UNC5CL: variants seen among roughly 807,000 people sequenced by gnomAD.
UNC5CL encodes UNC5C-like protein.
UNC5CL carries 42 observed loss-of-function variants against 54.1 expected under a neutral mutation model. The observed-to-expected ratio is 0.78, with a 90% CI of 0.61 to 1.00. The LOEUF (loss-of-function observed/expected upper bound fraction) is 1.00. UNC5CL is among the 50% of genes least tolerant of loss of function. The probability of loss-of-function intolerance (pLI) is 0.00; values close to 1 mark genes in which losing one functional copy is unlikely to be tolerated. For synonymous variants in UNC5CL, 285 were observed against 285.1 expected (o/e 1.00, Z 0.00); for missense variants, 619 against 675.6 (o/e 0.92, Z 0.93).
rs1762461568 is a variant in UNC5CL at position 41,032,082 on chromosome 6, C to T, written c.1005G>A (p.Trp335Ter). The T allele has an allele frequency of 1.9e-6, 3 of 1,614,038 alleles. No individual in the cohort carries two copies. The highest frequency in any genetic ancestry group is 2.7e-5 in the African/African-American group (2 of 74,902). The change falls in exon 5 of 9, where the codon TGG becomes TGA. Residue 335 changes from tryptophan (W) to a stop codon, truncating the protein, a stop_gained. Coordinates refer to ENST00000244565, the MANE Select transcript of UNC5CL (RefSeq NM_173561.3). LOFTEE classifies it high-confidence loss of function. ...AGGAGCGGAAGGGGCACTTTCCATG[C>T]CAGATGTGGAGATGGGGAACCAGCT... is the stretch of plus-strand genomic sequence containing the variant. ...SCQLVPHLHI[W>*]HGKCPFRSFC...
chr6:41,031,641 C>A (rs1762453362), intron 6 of UNC5CL, 40 bp downstream of exon 6: 1 of 1,609,486 alleles, frequency 6.2e-7, no homozygotes, highest in Admixed American at 1.7e-5. Flanking sequence ...AGGATTTCCC[C>A]CAGGCCCTGC....
chr6:41,034,749 TC>T lies in UNC5CL; in HGVS notation c.325del (p.Asp109IlefsTer7), dbSNP rs779391150. On this transcript the variant is annotated frameshift_variant, in exon 2 of 9. Transcript: ENST00000244565. LOFTEE classifies it high-confidence loss of function. ...GAGCATCAGGCAACCGCCGCGGTGA[TC>T]CACCTCTCGAGCCGAAAACACCAAC... ...KLLVFSAREV[D>X]HRGGCLMLQD... 6.2e-6 allele frequency: 10 copies of T among 1,611,882 alleles called. No homozygotes were observed. The African/African-American group carries it at 1.3e-4, about 22-fold the overall frequency.
At position 41,030,368 on chromosome 6, in the gene UNC5CL, G is replaced by A; in HGVS notation, c.1334+20C>T. 6.2e-7 allele frequency: 1 copy of A among 1,612,364 alleles called. No individual in the cohort carries two copies. The highest frequency in any genetic ancestry group is 8.5e-7 in the Non-Finnish European group (1 of 1,178,486). On this transcript the variant is annotated intron_variant, in intron 8 of 8. Transcript: ENST00000244565. ...AGCCCACCCTCCTCTACCATCCACA[G>A]ACCTCACCCCTCTTCCTACCGGATC...
intron 5 of UNC5CL, 112 bp from the exon 6 acceptor site, chr6:41,031,860 G>T: frequency 1.5e-6 from 2 of 1,298,538 alleles, no homozygotes; most frequent in Non-Finnish European, 2.2e-6. Context: ...GGAAGCTGGG[G>T]TCCAACACTC....
rs992649186 is a variant in UNC5CL at position 41,032,918 on chromosome 6, G to A, written c.915C>T (p.Gly305=). 31 of 1,605,014 alleles carry A rather than the reference G, an allele frequency of 1.9e-5. No homozygotes were observed. The highest frequency in any genetic ancestry group is 2.5e-5 in the Non-Finnish European group (29 of 1,175,848). The change falls in exon 4 of 9, where the codon GGC becomes GGT. Residue 305 remains glycine (G), a synonymous_variant. Coordinates refer to ENST00000244565, the MANE Select transcript of UNC5CL (RefSeq NM_173561.3). ...TGTACGTGAGCTTCAGGCACTGGTC[G>A]CCCCTAGCCCCATTGAAGTCGAAGA... ...CQLFDFNGAR[G]DQCLKLTYIS... is the part of the protein sequence containing the mutation.
chr6:41,033,896 T>A lies in UNC5CL; in HGVS notation c.671A>T (p.His224Leu), dbSNP rs1762485064. The change falls in exon 3 of 9, where the codon CAC (histidine) becomes CTC (leucine). Residue 224 changes from histidine to leucine, a missense_variant. By Grantham distance (99) the His-to-Leu change is moderately conservative. Coordinates refer to ENST00000244565, the MANE Select transcript of UNC5CL (RefSeq NM_173561.3). The part of the protein sequence containing the change: ...AHASRDECRI[H>L]LSHFSLYTCV... ...ATGTGCCTACCTGAAGTGGGAGAGG[T>A]GGATGCGACACTCATCCCGGGAGGC... is the stretch of plus-strand genomic sequence containing the variant. 8 of 1,612,504 alleles carry A rather than the reference T, an allele frequency of 5.0e-6. No individual in the cohort carries two copies. The highest frequency in any genetic ancestry group is 6.8e-6 in the Non-Finnish European group (8 of 1,179,254).
intron 4 of UNC5CL, 111 bp downstream of exon 4, chr6:41,032,769 AAAAG>A (rs1394688912): frequency 7.0e-7 from 1 of 1,421,674 alleles, no homozygotes. Flanking sequence ...TCGGGAAAAA[AAAAG>A]AGAGAGAGAC....
In UNC5CL at chr6:41,028,631, G is replaced by C. The variant is rs749628943; in HGVS notation, c.1335-36C>G. ...GTAGGGGAGGAAGAGAAGGGTGTAG[G>C]AGCAGGGAGGGGCTCCCCCCCTGCT... On this transcript the variant is annotated intron_variant, in intron 8 of 8. Transcript: ENST00000244565. This position sits in a 1 kb window ranked among gnomAD's most constrained non-coding sequence, Gnocchi z 4.3. The C allele has an allele frequency of 1.2e-5, 19 of 1,591,774 alleles. No homozygotes were observed. Among genetic ancestry groups the C allele is most frequent in the Non-Finnish European group, 1.6e-5 (19 of 1,168,312 alleles).
chr6:41,036,955 A>G (rs1276002209), intron 1 of UNC5CL, among the ~76,000 whole-genome samples: 1 of 151,104 alleles, frequency 6.6e-6, no homozygotes, highest in Non-Finnish European at 1.5e-5. Flanking sequence ...AGCCCCTACA[A>G]TTTCCAACAC....
At position 41,027,496 on chromosome 6, in the gene UNC5CL, T is replaced by A. The variant is rs1207159653; in HGVS notation, c.*877A>T. 1 of 152,220 alleles carries A rather than the reference T, an allele frequency of 6.6e-6. No individual in the cohort carries two copies. The highest frequency in any genetic ancestry group is 2.4e-5 in the African/African-American group (1 of 41,450). The allele number at this position is 152,220 out of a possible 1,614,324, so 9.4% of individuals were successfully genotyped here. On this transcript the variant is annotated 3_prime_UTR_variant, in exon 9 of 9. Transcript: ENST00000244565. ...ATTGGAGATAAAGAGATAAAAGGGCTGGGCCAGAATGATCATCTTGAAGTT... is the reference window on the plus strand; with the variant it reads ...ATTGGAGATAAAGAGATAAAAGGGCAGGGCCAGAATGATCATCTTGAAGTT...
chr6:41,028,130 G>C lies in UNC5CL; in HGVS notation c.*243C>G. ...CAGTTTGGCAGGCTGGCCACGCTGA[G>C]GCCATCTCCTGGGCTCCTGCGCCCT... On this transcript the variant is annotated 3_prime_UTR_variant, in exon 9 of 9. Coordinates refer to ENST00000244565, the MANE Select transcript of UNC5CL (RefSeq NM_173561.3). The surrounding 1 kb of genome is among the most constrained non-coding windows in gnomAD (Gnocchi z 4.3). 1.8e-6 allele frequency: 1 copy of C among 542,104 alleles called. No individual in the cohort carries two copies. Among genetic ancestry groups the C allele is most frequent in the South Asian group, 2.4e-5 (1 of 42,422 alleles). The allele number at this position is 542,104 out of a possible 1,614,324, so 33.6% of individuals were successfully genotyped here.
Position 41,032,088 on chromosome 6 carries a change from G to T in UNC5CL, c.999C>A (p.His333Gln). ...DSSCQLVPHL[H>Q]IWHGKCPFRS... ...GGAAGGGGCACTTTCCATGCCAGATGTGGAGATGGGGAACCAGCTGGCAAC... is the reference window on the plus strand; with the variant it reads ...GGAAGGGGCACTTTCCATGCCAGATTTGGAGATGGGGAACCAGCTGGCAAC... The change falls in exon 5 of 9, where the codon CAC (histidine) becomes CAA (glutamine). Residue 333 changes from histidine (H) to glutamine (Q), a missense_variant. By Grantham distance (24) the His-to-Gln change is conservative. Coordinates refer to ENST00000244565, the MANE Select transcript of UNC5CL (RefSeq NM_173561.3). 2.5e-6 allele frequency: 4 copies of T among 1,614,240 alleles called. No homozygotes were observed. The Middle Eastern group carries it at 4.9e-4, about 200-fold the overall frequency.
Position 41,033,108 on chromosome 6 carries a change from T to G in UNC5CL, c.725A>C (p.Glu242Ala), listed in dbSNP as rs1762476029. 6.2e-7 allele frequency: 1 copy of G among 1,612,924 alleles called. No individual in the cohort carries two copies. Residue 242 changes from glutamate (E) to alanine (A), a missense_variant, in exon 4 of 9, where the codon GAA becomes GCA. By Grantham distance (107) the Glu-to-Ala change is moderately radical (BLOSUM62 -1). Coordinates refer to ENST00000244565, the MANE Select transcript of UNC5CL (RefSeq NM_173561.3). The stretch of plus-strand genomic sequence containing the variant: ...GGCCAGCTGCAGCCATTTGCGGGCT[T>G]CGCGCCCCACAGGTGCCTCCAGCAC... ...TCVLEAPVGR[E>A]ARKWLQLAVF...
intron 6 of UNC5CL, among the ~76,000 whole-genome samples, chr6:41,031,341 C>T (rs1762450859): frequency 6.6e-6 from 1 of 152,310 alleles, no homozygotes; most frequent in South Asian, 2.1e-4. Flanking sequence ...ACTGAAGATA[C>T]CAAACATCAT....
At position 41,030,636 on chromosome 6, in the gene UNC5CL, C is replaced by T. The variant is rs746140531; in HGVS notation, c.1220+19G>A. ...ACCCAACATCCCCCAGGCAGCAGCCCAAGCAACCCCCGTCTCACCTATTGC... is the reference window on the plus strand; with the variant it reads ...ACCCAACATCCCCCAGGCAGCAGCCTAAGCAACCCCCGTCTCACCTATTGC... On this transcript the variant is annotated intron_variant, in intron 7 of 8. Coordinates refer to ENST00000244565, the MANE Select transcript of UNC5CL (RefSeq NM_173561.3). 11 of 1,613,890 alleles carry T rather than the reference C, an allele frequency of 6.8e-6. No individual in the cohort carries two copies. Among genetic ancestry groups the T allele is most frequent in the Non-Finnish European group, 9.3e-6 (11 of 1,179,924 alleles).
At chr6:41,038,685 C>A (rs1762548938) in intron 1 of UNC5CL, among the ~76,000 whole-genome samples, 1 of 152,220 alleles carries the variant, frequency 6.6e-6, no homozygotes, top group Non-Finnish European at 1.5e-5. Flanking sequence ...CTCCAGACCC[C>A]AGATCACCCT....
rs747905507 is a variant in UNC5CL at position 41,031,680 on chromosome 6, C to A, written c.1119+1G>T. ...TCCTCTGCCCCTCAGCTCCAACTCA[C>A]ATCCTGGAAGGTGTGCATGGTGACA... On this transcript the variant is annotated splice_donor_variant, in intron 6 of 8. Transcript: ENST00000244565. LOFTEE classifies it high-confidence loss of function. The A allele has an allele frequency of 3.7e-6, 6 of 1,614,062 alleles. No individual in the cohort carries two copies. The African/African-American group carries it at 8.0e-5, about 22-fold the overall frequency.
intron 1 of UNC5CL, among the ~76,000 whole-genome samples, chr6:41,036,749 C>CAA (rs112162551): frequency 1.1e-5 from 1 of 92,798 alleles, no homozygotes; most frequent in Non-Finnish European, 2.3e-5. Flanking sequence ...AAAGTGGAAG[C>CAA]AAAAAAAAAA....
chr6:41,028,261 G>T lies in UNC5CL; in HGVS notation c.*112C>A. ...GCGGGCGGCCCTGGCACCGTCCGAG[G>T]GTTCTGGGAAGGGTGGTGGGCACAG... is the stretch of plus-strand genomic sequence containing the variant. On this transcript the variant is annotated 3_prime_UTR_variant, in exon 9 of 9. Coordinates refer to ENST00000244565, the MANE Select transcript of UNC5CL (RefSeq NM_173561.3). This position sits in a 1 kb window ranked among gnomAD's most constrained non-coding sequence, Gnocchi z 4.3. The T allele has an allele frequency of 1.7e-6, 2 of 1,191,680 alleles. No individual in the cohort carries two copies. Among genetic ancestry groups the T allele is most frequent in the South Asian group, 1.6e-5 (1 of 62,752 alleles). The allele number at this position is 1,191,680 out of a possible 1,614,324, so 73.8% of individuals were successfully genotyped here.
Sources: allele counts gnomAD v4.1 joint callset (sites outside exome capture counted in the v4.1 genomes callset), GRCh38; gene constraint gnomAD v4.1.1; non-coding constraint Gnocchi (gnomAD v3.1); transcripts MANE v1.5; gene names NCBI Gene and HGNC (gene_info 2026-07-23, HGNC 2026-07-21).